Variants in HMCN1 observed in about 807,000 individuals in gnomAD.
HMCN1 encodes the protein hemicentin-1.
In HMCN1, 321 loss-of-function variants were observed where a neutral mutation model predicts 625.9. The observed-to-expected ratio is 0.51, with a 90% CI of 0.47 to 0.56. The LOEUF (loss-of-function observed/expected upper bound fraction) is 0.56. Ranked by LOEUF, HMCN1 falls within the 20% of genes least tolerant of loss-of-function variation. HMCN1 has a pLI of 0.00. For missense variants in HMCN1, 6,588 were observed against 6,887.3 expected (o/e 0.96, Z 1.54); for synonymous variants, 2,425 against 2,417.6 (o/e 1.00, Z -0.09).
chr1:185,946,307 G>A (rs1037901007), intron 11 of HMCN1, among the ~76,000 whole-genome samples: 4 of 151,916 alleles, frequency 2.6e-5, no homozygotes, highest in East Asian at 1.9e-4. Context: ...GGACTTTTAC[G>A]TATTTATGTG....
intron 98 of HMCN1, 87 bp from the exon 99 acceptor site, chr1:186,166,097 A>G (rs1056926158): frequency 6.9e-7 from 1 of 1,446,374 alleles, no homozygotes; most frequent in Non-Finnish European, 9.6e-7. Flanking sequence ...CTTGGCCTCT[A>G]TAAGCAGTTA....
intron 46 of HMCN1, among the ~76,000 whole-genome samples, chr1:186,059,887 C>T (rs986831583): frequency 4.6e-5 from 7 of 152,018 alleles, no homozygotes; most frequent in South Asian, 2.1e-4. Context: ...AAAGGAGAAT[C>T]GTGAAACTTA....
chr1:186,078,263 G>T, intron 55 of HMCN1, 43 bp downstream of exon 55: 3 of 1,379,890 alleles, frequency 2.2e-6, no homozygotes, highest in Non-Finnish European at 3.1e-6. Context: ...TTACTGAAAA[G>T]TATTTTTGAG....
At chr1:185,952,283 TAAA>T (rs1203842177) in intron 11 of HMCN1, among the ~76,000 whole-genome samples, 1 of 151,168 alleles carries the variant, frequency 6.6e-6, no homozygotes. Flanking sequence ...GGGGAGGTGA[TAAA>T]AAGATTATAG....
intron 68 of HMCN1, among the ~76,000 whole-genome samples, chr1:186,100,532 TAAG>T (rs1470866269): frequency 6.6e-6 from 1 of 152,152 alleles, no homozygotes; most frequent in Non-Finnish European, 1.5e-5. Context: ...TTGACCACAT[TAAG>T]AAGTCTGCTT....
At chr1:186,049,938 T>C (rs1389681961) in intron 42 of HMCN1, among the ~76,000 whole-genome samples, 4 of 151,894 alleles carry the variant, frequency 2.6e-5, no homozygotes, top group Non-Finnish European at 4.4e-5. Flanking sequence ...TACTATATGG[T>C]AAATTTATAT....
intron 36 of HMCN1, among the ~76,000 whole-genome samples, chr1:186,037,004 T>A (rs766212193): frequency 3.9e-5 from 6 of 152,176 alleles, no homozygotes; most frequent in Middle Eastern, 3.4e-3. Flanking sequence ...TCTGCCATCT[T>A]ACTTATTTCT....
At chr1:185,859,128 T>TTG (rs59835697) in intron 2 of HMCN1, among the ~76,000 whole-genome samples, 7,577 of 138,258 alleles carry the variant, frequency 0.055, 330 homozygotes, top group African/African-American at 0.14. Context: ...TTTATAAACT[T>TTG]TGTGTGTGTG....
intron 30 of HMCN1, among the ~76,000 whole-genome samples, chr1:186,014,612 A>T (rs1654232961): frequency 6.6e-6 from 1 of 152,068 alleles, no homozygotes; most frequent in Non-Finnish European, 1.5e-5. Context: ...GGAGATATAC[A>T]TGTAGACAAT....
At chr1:185,912,724 C>T (rs1345899475) in intron 6 of HMCN1, among the ~76,000 whole-genome samples, 1 of 152,054 alleles carries the variant, frequency 6.6e-6, no homozygotes, top group Non-Finnish European at 1.5e-5. Context: ...TCCAGGTGTC[C>T]ACTGTGGGAA....
chr1:186,085,894 T>A (rs1001958795), intron 57 of HMCN1, among the ~76,000 whole-genome samples: 2 of 152,124 alleles, frequency 1.3e-5, no homozygotes, highest in Admixed American at 1.3e-4. Context: ...TCTACAGCAC[T>A]TAAGTAAAAA....
intron 30 of HMCN1, among the ~76,000 whole-genome samples, chr1:186,009,991 C>T (rs764826601): frequency 6.6e-6 from 1 of 152,084 alleles, no homozygotes; most frequent in South Asian, 2.1e-4. Flanking sequence ...AGTTCGCGCT[C>T]CTATGAGAAT....
chr1:186,031,066 A>G (rs919262219), intron 36 of HMCN1, among the ~76,000 whole-genome samples: 3 of 152,000 alleles, frequency 2.0e-5, no homozygotes, highest in African/African-American at 7.2e-5. Flanking sequence ...CAGTTTTTAC[A>G]TCTTACATAT....
intron 1 of HMCN1, among the ~76,000 whole-genome samples, chr1:185,837,456 T>C (rs1381634745): frequency 2.6e-5 from 4 of 152,046 alleles, no homozygotes; most frequent in African/African-American, 9.7e-5. Context: ...TCTTATGAAG[T>C]TGAACAATCT....
rs373185183 is a variant in HMCN1, at chr1:185,786,018, A to G, written c.268+50971A>G. Reference sequence around the variant, plus strand: ...GCTTATCAGCTATCACTGGCAAATCATTATTCTTTGTATGACTGAGATCCA... The same window carrying G: ...GCTTATCAGCTATCACTGGCAAATCGTTATTCTTTGTATGACTGAGATCCA... On this transcript the variant is annotated intron_variant, in intron 1 of 106. Transcript: ENST00000271588. 1.8e-4 allele frequency among the ~76,000 whole-genome samples: 28 copies of G among 152,288 alleles called. 1 individual carries two copies. The South Asian group carries it at 5.6e-3, about 30-fold the overall frequency.
chr1:186,138,004 A>G, intron 89 of HMCN1, 32 bp downstream of exon 89: 1 of 1,612,390 alleles, frequency 6.2e-7, no homozygotes. Flanking sequence ...TAAGATAAAC[A>G]AAACTTTTCT....
At chr1:186,073,039 T>C (rs1173222071) in intron 52 of HMCN1, among the ~76,000 whole-genome samples, 3 of 152,044 alleles carry the variant, frequency 2.0e-5, no homozygotes, top group African/African-American at 7.2e-5. Context: ...TGGACCAAGG[T>C]GGTAGCAGGA....
chr1:186,000,249 G>A lies in HMCN1; in HGVS notation c.4069+10G>A, dbSNP rs758009116. The A allele has an allele frequency of 8.7e-6, 14 of 1,603,444 alleles. No homozygotes were observed. In the East Asian group the frequency reaches 2.0e-4, roughly 23 times the overall value. ...AACCTCAAAGTCCATGGTAAATGTA[G>A]CTAAAATCATGTAACTGACTGTTTG... On this transcript the variant is annotated intron_variant, in intron 26 of 106. Coordinates refer to ENST00000271588, the MANE Select transcript of HMCN1 (RefSeq NM_031935.3).
intron 86 of HMCN1, among the ~76,000 whole-genome samples, chr1:186,133,641 G>T (rs967632916): frequency 6.6e-6 from 1 of 152,144 alleles, no homozygotes; most frequent in Non-Finnish European, 1.5e-5. Context: ...ATTGAGAGAT[G>T]CTCTAGATTA....
Sources: allele counts gnomAD v4.1 joint callset (sites outside exome capture counted in the v4.1 genomes callset), GRCh38; gene constraint gnomAD v4.1.1; transcripts MANE v1.5; gene names NCBI Gene and HGNC (gene_info 2026-07-23, HGNC 2026-07-21).